Variants in CDS1 observed in about 807,000 individuals in gnomAD.
The protein encoded by CDS1 is phosphatidate cytidylyltransferase 1.
CDS1 carries 41 observed loss-of-function variants against 62.1 expected under a neutral mutation model. The ratio of observed to expected loss-of-function variants is 0.66; its 90% CI spans 0.51 to 0.86. CDS1 has a LOEUF of 0.86. CDS1 is among the 40% of genes least tolerant of loss of function. The probability of loss-of-function intolerance (pLI) is 0.00; values close to 1 mark genes in which losing one functional copy is unlikely to be tolerated. For missense variants in CDS1, 470 were observed against 550.1 expected (o/e 0.85, Z 1.46); for synonymous variants, 185 against 192.6 (o/e 0.96, Z 0.32).
At chr4:84,631,929 C>A in intron 6 of CDS1, 52 bp downstream of exon 6, 2 of 1,211,084 alleles carry the variant, frequency 1.7e-6, no homozygotes, top group Non-Finnish European at 2.4e-6. Context: ...AAACCCTTAA[C>A]TTTTTTTTTT....
intron 5 of CDS1, 139 bp downstream of exon 5, chr4:84,619,672 C>G: frequency 1.9e-6 from 1 of 515,364 alleles, no homozygotes; most frequent in South Asian, 4.4e-5. Context: ...GTGTATAAAG[C>G]TATTTCTTTC....
At chr4:84,641,266 A>G (rs1162055178) in intron 10 of CDS1, among the ~76,000 whole-genome samples, 2 of 152,026 alleles carry the variant, frequency 1.3e-5, no homozygotes, top group Non-Finnish European at 2.9e-5. Context: ...GGGTGTTGCT[A>G]TGTTGGCCAA....
chr4:84,619,071 A>G (rs1376737460), intron 4 of CDS1, among the ~76,000 whole-genome samples: 7 of 151,432 alleles, frequency 4.6e-5, no homozygotes, highest in African/African-American at 1.7e-4. Flanking sequence ...ACACACACAC[A>G]CACACACACA....
chr4:84,590,022 A>G (rs1445498339), intron 1 of CDS1, among the ~76,000 whole-genome samples: 2 of 152,186 alleles, frequency 1.3e-5, no homozygotes, highest in Non-Finnish European at 1.5e-5. Flanking sequence ...AGTGTTAGCC[A>G]GGACGATCTC....
At chr4:84,619,645 C>T in intron 5 of CDS1, 112 bp downstream of exon 5, 2 of 608,990 alleles carry the variant, frequency 3.3e-6, no homozygotes, top group East Asian at 3.2e-5. Flanking sequence ...TCCAGCCTCT[C>T]TTTTTCATTG....
intron 1 of CDS1, among the ~76,000 whole-genome samples, chr4:84,596,454 G>C (rs972510850): frequency 6.6e-6 from 1 of 152,150 alleles, no homozygotes. Flanking sequence ...TGCCTTGGCT[G>C]GTGGCCTCTT....
intron 2 of CDS1, among the ~76,000 whole-genome samples, chr4:84,608,040 G>C (rs961926974): frequency 1.3e-5 from 2 of 152,156 alleles, no homozygotes; most frequent in Non-Finnish European, 2.9e-5. Flanking sequence ...TTGTGGCGGT[G>C]GTGGGGTGCG....
chr4:84,624,446 A>G (rs1723794840), intron 5 of CDS1, among the ~76,000 whole-genome samples: 1 of 151,992 alleles, frequency 6.6e-6, no homozygotes, highest in Non-Finnish European at 1.5e-5. Flanking sequence ...AAATTGTCTG[A>G]GTATTCAAGC....
At chr4:84,604,203 A>G (rs1723020831) in intron 1 of CDS1, 40 bp from the exon 2 acceptor site, 3 of 1,584,276 alleles carry the variant, frequency 1.9e-6, no homozygotes, top group Non-Finnish European at 2.6e-6. Context: ...GTGCTTTTTT[A>G]AACGTGATTT....
At chr4:84,640,245 T>A (rs1489743622) in intron 9 of CDS1, among the ~76,000 whole-genome samples, 4 of 150,840 alleles carry the variant, frequency 2.7e-5, no homozygotes, top group African/African-American at 9.7e-5. Context: ...GTCTTGAATT[T>A]CTATTACTCA....
At chr4:84,603,146 G>A (rs187414872) in intron 1 of CDS1, among the ~76,000 whole-genome samples, 42 of 152,294 alleles carry the variant, frequency 2.8e-4, no homozygotes, top group African/African-American at 9.1e-4. Flanking sequence ...GAAACAGTTC[G>A]AAGGGGTGAT....
intron 10 of CDS1, among the ~76,000 whole-genome samples, 163 bp from the exon 11 acceptor site, chr4:84,642,861 T>C (rs1724432499): frequency 6.6e-6 from 1 of 152,178 alleles, no homozygotes; most frequent in African/African-American, 2.4e-5. Context: ...ACAGAAGGCT[T>C]AAATAGACTT....
chr4:84,615,036 C>T (rs977561649), intron 3 of CDS1, among the ~76,000 whole-genome samples: 1 of 152,128 alleles, frequency 6.6e-6, no homozygotes, highest in Non-Finnish European at 1.5e-5. Flanking sequence ...TTGGATAATT[C>T]GTGGAGCAGG....
intron 3 of CDS1, among the ~76,000 whole-genome samples, chr4:84,609,766 A>G (rs1224106731): frequency 6.6e-6 from 1 of 152,206 alleles, no homozygotes; most frequent in Non-Finnish European, 1.5e-5. Flanking sequence ...GTACATATCT[A>G]TGTGTCTGAC....
intron 5 of CDS1, among the ~76,000 whole-genome samples, chr4:84,621,801 T>G (rs1441179848): frequency 6.6e-6 from 1 of 152,198 alleles, no homozygotes; most frequent in Non-Finnish European, 1.5e-5. Context: ...CACTGCTATA[T>G]CTATAGAAAG....
chr4:84,583,193 A>T lies in CDS1; in HGVS notation c.-209A>T. On this transcript the variant is annotated 5_prime_UTR_variant, in exon 1 of 13. Transcript: ENST00000295887. Reference sequence around the variant, plus strand: ...CCTCCGCCGGAGCCGCGCTCGCTGCAGGCGGCCTCGAGCGCTCTCTCGTTG... The same window carrying T: ...CCTCCGCCGGAGCCGCGCTCGCTGCTGGCGGCCTCGAGCGCTCTCTCGTTG... The T allele has an allele frequency of 2.1e-6, 1 of 476,428 alleles. No homozygotes were observed. The allele number at this position is 476,428 out of a possible 1,614,324, so 29.5% of individuals were successfully genotyped here. A position where few individuals can be genotyped will look rare whatever the true frequency, so the allele number is the denominator to read the frequency against.
rs147101030 is a variant in CDS1, at chr4:84,595,445, A to G, written c.118-8798A>G. ...GTAAATTCTACATAAATAGTTGCAT[A>G]CTGTAGTTGTACAATATAGTATGCT... is the stretch of plus-strand genomic sequence containing the variant. On this transcript the variant is annotated intron_variant, in intron 1 of 12. Coordinates refer to ENST00000295887, the MANE Select transcript of CDS1 (RefSeq NM_001263.4). Among the ~76,000 whole-genome samples the G allele has an allele frequency of 8.9e-3, 1,350 of 152,254 alleles. 19 individuals are homozygous for G. Among genetic ancestry groups the G allele is most frequent in the African/African-American group, 0.029 (1,217 of 41,542 alleles).
intron 1 of CDS1, among the ~76,000 whole-genome samples, chr4:84,592,099 A>C (rs1181788051): frequency 6.6e-6 from 1 of 151,660 alleles, no homozygotes; most frequent in East Asian, 1.9e-4. Context: ...TGAGAATGAC[A>C]TCACATTTTG....
chr4:84,609,543 C>T lies in CDS1; in HGVS notation c.342+18C>T, dbSNP rs1322921800. On this transcript the variant is annotated intron_variant, in intron 3 of 12. Coordinates refer to ENST00000295887, the MANE Select transcript of CDS1 (RefSeq NM_001263.4). ...TGCTTCTTGTAAGTTTTTGACTTTT[C>T]CCTGAGTGTCTCTTGCTTTGTTTTT... The T allele has an allele frequency of 3.0e-6, 4 of 1,314,782 alleles. No homozygotes were observed. Among genetic ancestry groups the T allele is most frequent in the South Asian group, 2.4e-5 (2 of 83,160 alleles). The allele number at this position is 1,314,782 out of a possible 1,614,324, so 81.4% of individuals were successfully genotyped here.
Sources: gnomAD v4.1 joint callset for allele counts (sites outside exome capture counted in the v4.1 genomes callset) on GRCh38, gnomAD v4.1.1 for gene constraint, MANE v1.5 for transcripts, NCBI Gene and HGNC (gene_info 2026-07-23, HGNC 2026-07-21) for gene names.